Variants in CELF4 observed in about 807,000 individuals in gnomAD.
CELF4 encodes CUGBP Elav-like family member 4, also known as CUG-BP- and ETR-3-like factor 4.
Under a neutral mutation model 59.9 loss-of-function variants are expected in CELF4, and 18 were observed. The observed-to-expected ratio is 0.30, with a 90% CI of 0.21 to 0.45. The LOEUF is 0.45. Ranked by LOEUF, CELF4 falls within the 20% of genes least tolerant of loss-of-function variation. The pLI is 1.00. For missense variants in CELF4, 456 were observed against 689.0 expected (o/e 0.66, Z 3.79); for synonymous variants, 261 against 267.1 (o/e 0.98, Z 0.22).
chr18:37,377,082 A>T (rs1292526596), intron 2 of CELF4, among the ~76,000 whole-genome samples: 1 of 152,074 alleles, frequency 6.6e-6, no homozygotes, highest in Non-Finnish European at 1.5e-5. Flanking sequence ...AGGAAGAGAA[A>T]AGGCAAGACA....
rs774057692 is a variant in CELF4, at chr18:37,397,897, G to A, written c.370-76016C>T. Among the ~76,000 whole-genome samples, 45 of 152,244 alleles carry A rather than the reference G, an allele frequency of 3.0e-4. 1 individual carries two copies. The highest frequency in any genetic ancestry group is 4.6e-4 in the Non-Finnish European group (31 of 68,028). On this transcript the variant is annotated intron_variant, in intron 2 of 12. Transcript: ENST00000420428. ...GGAGTGGGCGGGGGCAAGGGGGTGCGGATCCTTGGATGTGCTTTGTTCCAA... is the reference window on the plus strand; with the variant it reads ...GGAGTGGGCGGGGGCAAGGGGGTGCAGATCCTTGGATGTGCTTTGTTCCAA...
At chr18:37,444,750 G>T (rs1001291791) in intron 2 of CELF4, among the ~76,000 whole-genome samples, 1 of 152,014 alleles carries the variant, frequency 6.6e-6, no homozygotes, top group Non-Finnish European at 1.5e-5. Flanking sequence ...ACTGTCCATG[G>T]CCCCGACAGG....
intron 2 of CELF4, among the ~76,000 whole-genome samples, chr18:37,462,793 GTT>G (rs33987730): frequency 2.7e-5 from 4 of 146,350 alleles, no homozygotes; most frequent in African/African-American, 5.0e-5. Flanking sequence ...ACATTATGAG[GTT>G]TTTTTTTTTT....
At chr18:37,447,997 T>G (rs2099752905) in intron 2 of CELF4, among the ~76,000 whole-genome samples, 1 of 152,154 alleles carries the variant, frequency 6.6e-6, no homozygotes, top group Non-Finnish European at 1.5e-5. Context: ...ATGAGACGTA[T>G]CTCTCCTCAG....
chr18:37,321,432 T>C (rs1791487), intron 3 of CELF4, among the ~76,000 whole-genome samples: 80,985 of 152,140 alleles, frequency 0.53, 22,091 homozygotes, highest in East Asian at 0.75. Flanking sequence ...AGCACAGCTG[T>C]GACCACTTCT....
At chr18:37,522,368 C>A (rs931268887) in intron 1 of CELF4, among the ~76,000 whole-genome samples, 1 of 152,138 alleles carries the variant, frequency 6.6e-6, no homozygotes. Context: ...CATCTCCCTG[C>A]GGCCCGGCCC....
chr18:37,282,180 G>A (rs2094221988), intron 3 of CELF4, among the ~76,000 whole-genome samples: 1 of 152,118 alleles, frequency 6.6e-6, no homozygotes. Flanking sequence ...CTCACCCATG[G>A]GAACCCCAGC....
intron 1 of CELF4, among the ~76,000 whole-genome samples, chr18:37,535,709 C>A (rs1007698218): frequency 5.3e-5 from 8 of 152,292 alleles, no homozygotes; most frequent in Admixed American, 2.6e-4. Context: ...GCCCTGAGCA[C>A]CCCTGGGGAA....
intron 1 of CELF4, among the ~76,000 whole-genome samples, chr18:37,487,736 A>G (rs1287744859): frequency 6.6e-6 from 1 of 152,052 alleles, no homozygotes; most frequent in Non-Finnish European, 1.5e-5. Flanking sequence ...GGCAGGTTTG[A>G]GGGGAGGAGG....
At chr18:37,336,418 A>G (rs761032646) in intron 2 of CELF4, among the ~76,000 whole-genome samples, 9 of 152,120 alleles carry the variant, frequency 5.9e-5, no homozygotes, top group African/African-American at 1.2e-4. Flanking sequence ...TCCTGGGCTC[A>G]AGCAATCCTC....
chr18:37,512,617 C>A (rs997564708), intron 1 of CELF4, among the ~76,000 whole-genome samples: 2 of 151,624 alleles, frequency 1.3e-5, no homozygotes, highest in African/African-American at 4.8e-5. Flanking sequence ...TCCTCCTTCT[C>A]CTCCTCCTCT....
chr18:37,274,581 G>A (rs763166975), intron 5 of CELF4, 127 bp from the exon 6 acceptor site: 214 of 1,576,686 alleles, frequency 1.4e-4, no homozygotes, highest in South Asian at 1.9e-4. Flanking sequence ...ATCGGCGCTC[G>A]CCCAGGGGAA....
chr18:37,274,584 C>T, intron 5 of CELF4, 130 bp from the exon 6 acceptor site: 1 of 1,575,654 alleles, frequency 6.3e-7, no homozygotes, highest in Non-Finnish European at 8.6e-7. Flanking sequence ...GGCGCTCGCC[C>T]AGGGGAATGA....
At chr18:37,342,970 A>T (rs1316362766) in intron 2 of CELF4, among the ~76,000 whole-genome samples, 3 of 152,122 alleles carry the variant, frequency 2.0e-5, no homozygotes, top group Non-Finnish European at 4.4e-5. Context: ...GGAGTTGCCC[A>T]CTGAGCCATT....
intron 2 of CELF4, among the ~76,000 whole-genome samples, chr18:37,326,419 G>A (rs963624708): frequency 6.6e-6 from 1 of 152,172 alleles, no homozygotes. Flanking sequence ...CCACCAGTGC[G>A]CTGTCCTCCC....
chr18:37,460,277 C>T (rs1320120320), intron 2 of CELF4, among the ~76,000 whole-genome samples: 1 of 152,160 alleles, frequency 6.6e-6, no homozygotes, highest in African/African-American at 2.4e-5. Context: ...TCAAATAACT[C>T]CCTGGACACA....
rs866827032 is a variant in CELF4, at chr18:37,370,553, A to G, written c.370-48672T>C. ...TTTGAGGCATCCAGTTTATCTGCCT[A>G]TGATGATCTAACCCCACGAGAGTGG... On this transcript the variant is annotated intron_variant, in intron 2 of 12. Transcript: ENST00000420428. 3.3e-5 allele frequency among the ~76,000 whole-genome samples: 5 copies of G among 152,326 alleles called. No individual in the cohort carries two copies. The South Asian group carries it at 1.0e-3, about 32-fold the overall frequency.
chr18:37,331,106 T>C lies in CELF4; in HGVS notation c.370-9225A>G, dbSNP rs1019599411. On this transcript the variant is annotated intron_variant, in intron 2 of 12. Coordinates refer to ENST00000420428, the MANE Select transcript of CELF4 (RefSeq NM_020180.4). ...AGGACACATACCGGCACGTAGGCCCTGTCAGCTCTTCACCCCTCTCCATTC... is the reference window on the plus strand; with the variant it reads ...AGGACACATACCGGCACGTAGGCCCCGTCAGCTCTTCACCCCTCTCCATTC... Among the ~76,000 whole-genome samples the C allele has an allele frequency of 2.0e-5, 3 of 152,190 alleles. 1 individual carries two copies. Among genetic ancestry groups the C allele is most frequent in the Non-Finnish European group, 4.4e-5 (3 of 68,036 alleles).
intron 2 of CELF4, among the ~76,000 whole-genome samples, chr18:37,377,077 G>A (rs2098979119): frequency 6.6e-6 from 1 of 152,062 alleles, no homozygotes. Flanking sequence ...AAAAAAGGAA[G>A]AGAAAAGGCA....
Sources: allele counts gnomAD v4.1 joint callset (sites outside exome capture counted in the v4.1 genomes callset), GRCh38; gene constraint gnomAD v4.1.1; transcripts MANE v1.5; gene names NCBI Gene and HGNC (gene_info 2026-07-23, HGNC 2026-07-21).